Variants in GRIK2 observed in about 807,000 individuals in gnomAD.
GRIK2 encodes the protein glutamate receptor ionotropic, kainate 2.
In GRIK2, 32 loss-of-function variants were observed where a neutral mutation model predicts 100.3. The ratio of observed to expected loss-of-function variants is 0.32; its 90% CI spans 0.24 to 0.43. GRIK2 has a LOEUF of 0.43. Ranked by LOEUF, GRIK2 falls within the 20% of genes least tolerant of loss-of-function variation. The pLI, the probability that GRIK2 is intolerant of heterozygous loss-of-function variation, is 1.00. For missense variants in GRIK2, 843 were observed against 1,114.9 expected, an observed-to-expected ratio of 0.76 and a Z score of 3.47; for synonymous variants, 417 against 389.4, an observed-to-expected ratio of 1.07 and a Z score of -0.83.
At chr6:102,062,958 T>G (rs562938258) in intron 16 of GRIK2, among the ~76,000 whole-genome samples, 1 of 150,688 alleles carries the variant, frequency 6.6e-6, no homozygotes, top group Non-Finnish European at 1.5e-5. Flanking sequence ...TCACAGTGAC[T>G]GTTTTGATTT....
At chr6:102,064,208 GTCTTTC>G (rs1771890011) in intron 16 of GRIK2, among the ~76,000 whole-genome samples, 2 of 150,590 alleles carry the variant, frequency 1.3e-5, no homozygotes, top group African/African-American at 2.4e-5. Flanking sequence ...CAAGATAGTT[GTCTTTC>G]TCTTTCTTCT....
intron 4 of GRIK2, among the ~76,000 whole-genome samples, chr6:101,674,596 A>G (rs1001320030): frequency 4.6e-5 from 7 of 152,194 alleles, no homozygotes; most frequent in African/African-American, 1.2e-4. Context: ...TTACAGCTCA[A>G]TGTTAACACC....
At chr6:101,595,955 AT>A (rs61558249) in intron 2 of GRIK2, among the ~76,000 whole-genome samples, 9,672 of 141,748 alleles carry the variant, frequency 0.068, 313 homozygotes, top group South Asian at 0.12. Flanking sequence ...ATTCATTAAA[AT>A]TTTTTTTTTT....
intron 2 of GRIK2, among the ~76,000 whole-genome samples, chr6:101,608,320 T>C (rs879379805): frequency 6.6e-6 from 1 of 151,942 alleles, no homozygotes; most frequent in Non-Finnish European, 1.5e-5. Flanking sequence ...TTGCACAGTA[T>C]TCCTCTGGTG....
At chr6:101,404,337 C>A (rs1775489541) in intron 2 of GRIK2, among the ~76,000 whole-genome samples, 2 of 152,208 alleles carry the variant, frequency 1.3e-5, no homozygotes, top group African/African-American at 4.8e-5. Context: ...TTCAAGTTTT[C>A]TCACCATTAC....
chr6:101,445,246 C>T (rs1054985527), intron 2 of GRIK2, among the ~76,000 whole-genome samples: 2 of 152,102 alleles, frequency 1.3e-5, no homozygotes, highest in East Asian at 1.9e-4. Context: ...TGACCCTGCT[C>T]TCTCATGGTT....
intron 12 of GRIK2, among the ~76,000 whole-genome samples, chr6:101,906,366 C>CTGTGTGTGTGTGTGTGTGTGTGTG (rs141112872): frequency 0.038 from 5,559 of 145,770 alleles, 141 homozygotes; most frequent in Admixed American, 0.086. Context: ...AAAACAAGAT[C>CTGTGTGTGTGTGTGTGTGTGTGTG]TGTGTGTGTG....
rs148188300 is a variant in GRIK2 at position 101,434,161 on chromosome 6, G to T, written c.115+34769G>T. On this transcript the variant is annotated intron_variant, in intron 2 of 16. Transcript: ENST00000369134. ...CTTCCTGCTTGCTACTTATTCCTGT[G>T]TGTGAGTTGGGACTAACAGCAGCAG... Among the ~76,000 whole-genome samples the T allele has an allele frequency of 2.3e-4, 35 of 152,318 alleles. No homozygotes were observed. The East Asian group carries it at 6.6e-3, about 29-fold the overall frequency.
chr6:101,923,296 G>T (rs553448995), intron 12 of GRIK2, among the ~76,000 whole-genome samples: 38 of 151,974 alleles, frequency 2.5e-4, no homozygotes, highest in Non-Finnish European at 5.1e-4. Context: ...GTTTATAAAA[G>T]AGTGGCTTTA....
chr6:101,493,300 A>G (rs1257429063), intron 2 of GRIK2, among the ~76,000 whole-genome samples: 1 of 151,868 alleles, frequency 6.6e-6, no homozygotes, highest in African/African-American at 2.4e-5. Flanking sequence ...GAAATTCCCT[A>G]AACACATTAC....
intron 7 of GRIK2, among the ~76,000 whole-genome samples, chr6:101,753,622 A>G (rs895824346): frequency 6.6e-6 from 1 of 152,138 alleles, no homozygotes; most frequent in Admixed American, 6.5e-5. Flanking sequence ...TTGAACATCA[A>G]TAATTACTAA....
intron 8 of GRIK2, 22 bp downstream of exon 8, chr6:101,799,813 T>C (rs546607912): frequency 1.3e-5 from 21 of 1,594,540 alleles, no homozygotes; most frequent in African/African-American, 6.7e-5. Flanking sequence ...GAAGAACATC[T>C]GCCTTGTCTC....
chr6:101,641,500 C>T (rs1448720427), intron 4 of GRIK2, among the ~76,000 whole-genome samples: 2 of 151,932 alleles, frequency 1.3e-5, no homozygotes, highest in African/African-American at 4.8e-5. Context: ...GTCTTGCTGG[C>T]ATATTGAGAG....
chr6:101,757,748 A>C (rs1484241834), intron 7 of GRIK2, among the ~76,000 whole-genome samples: 1 of 152,236 alleles, frequency 6.6e-6, no homozygotes, highest in African/African-American at 2.4e-5. Context: ...AGATCCTTCC[A>C]GGTACAGTTT....
chr6:101,394,493 A>T (rs2128234340), intron 1 of GRIK2, among the ~76,000 whole-genome samples: 1 of 152,326 alleles, frequency 6.6e-6, no homozygotes, highest in Admixed American at 6.5e-5. Context: ...CTTAGAGAAT[A>T]ATTTCCAATT....
intron 2 of GRIK2, among the ~76,000 whole-genome samples, chr6:101,459,798 A>G (rs1771203018): frequency 6.6e-6 from 1 of 150,812 alleles, no homozygotes; most frequent in African/African-American, 2.4e-5. Flanking sequence ...TTTTTTAGAC[A>G]GAGTTCGACT....
In GRIK2 at chr6:101,688,307, C is replaced by T. The variant is rs140357070; in HGVS notation, c.951+1954C>T. Among the ~76,000 whole-genome samples, 382 of 151,504 alleles carry T rather than the reference C, an allele frequency of 2.5e-3. 6 individuals are homozygous for T. Among genetic ancestry groups the T allele is most frequent in the African/African-American group, 8.9e-3 (370 of 41,420 alleles). On this transcript the variant is annotated intron_variant, in intron 7 of 16. Coordinates refer to ENST00000369134, the MANE Select transcript of GRIK2 (RefSeq NM_021956.5). Reference sequence around the variant, plus strand: ...AAATAAGTCCAATGACTAATGTGCCCCTTCATGTATCAGAATCATAAAAAT... The same window carrying T: ...AAATAAGTCCAATGACTAATGTGCCTCTTCATGTATCAGAATCATAAAAAT...
intron 14 of GRIK2, among the ~76,000 whole-genome samples, chr6:102,021,023 T>C (rs1224022360): frequency 6.6e-6 from 1 of 151,830 alleles, no homozygotes; most frequent in Non-Finnish European, 1.5e-5. Flanking sequence ...AACTATGTGC[T>C]TCCTAGACAT....
At chr6:101,396,083 G>C (rs1290948640) in intron 1 of GRIK2, among the ~76,000 whole-genome samples, 1 of 152,118 alleles carries the variant, frequency 6.6e-6, no homozygotes, top group Admixed American at 6.5e-5. Context: ...GTGAAATACT[G>C]TGTAAGGAAT....
Sources: allele counts gnomAD v4.1 joint callset (sites outside exome capture counted in the v4.1 genomes callset), GRCh38; gene constraint gnomAD v4.1.1; transcripts MANE v1.5; gene names NCBI Gene and HGNC (gene_info 2026-07-23, HGNC 2026-07-21).